Variants in EIF2D observed in about 807,000 individuals in gnomAD.
EIF2D encodes eukaryotic translation initiation factor 2D.
EIF2D carries 56 observed loss-of-function variants against 77.4 expected under a neutral mutation model. That is an observed-to-expected ratio of 0.72 (90% CI 0.58 to 0.90). The LOEUF (loss-of-function observed/expected upper bound fraction) is 0.90. Ranked by LOEUF, EIF2D falls within the 40% of genes least tolerant of loss-of-function variation. The pLI is 0.00. For missense variants in EIF2D, 574 were observed against 706.5 expected (o/e 0.81, Z 2.13); for synonymous variants, 230 against 271.0 (o/e 0.85, Z 1.49).
chr1:206,602,393 T>G lies in EIF2D; in HGVS notation c.845A>C (p.Lys282Thr), dbSNP rs782153854. The change falls in exon 7 of 15, where the codon AAG becomes ACG. Residue 282 changes from lysine to threonine, a missense_variant. Transcript: ENST00000271764. ...FLHALKCRVK[K>T]ADLPLLTSTF... ...GCTGGTGAGTAAAGGGAGGTCAGCC[T>G]TTTTGACTCGGCACTTCAAGGCATG... The G allele has an allele frequency of 1.2e-6, 2 of 1,614,236 alleles. No individual in the cohort carries two copies. The highest frequency in any genetic ancestry group is 1.7e-6 in the Non-Finnish European group (2 of 1,180,038).
At chr1:206,570,711 G>T (rs559023384), downstream of EIF2D, among the ~76,000 whole-genome samples, 1 of 152,026 alleles carries the variant, frequency 6.6e-6, no homozygotes, top group Non-Finnish European at 1.5e-5. Flanking sequence ...GTTCATCCAC[G>T]TGATAGCATG....
intron 2 of EIF2D, among the ~76,000 whole-genome samples, chr1:206,581,977 G>A (rs1271287808): frequency 6.6e-6 from 1 of 152,176 alleles, no homozygotes; most frequent in East Asian, 1.9e-4. Flanking sequence ...GACAGTGTCA[G>A]ATGGTGTCAG....
intron 7 of EIF2D, chr1:206,600,671 C>T (rs1669883450): frequency 5.7e-6 from 1 of 175,234 alleles, no homozygotes; most frequent in Admixed American, 5.6e-5. Context: ...GACATGTGGC[C>T]AGTGGCTACC....
At chr1:206,574,458 T>A (rs1421383196) in intron 4 of EIF2D, among the ~76,000 whole-genome samples, 2 of 152,196 alleles carry the variant, frequency 1.3e-5, no homozygotes, top group Non-Finnish European at 2.9e-5. Context: ...ACATTGACCA[T>A]CTGCTCTACG....
At position 206,610,530 on chromosome 1, in the gene EIF2D, T is replaced by A. The variant is rs550376710; in HGVS notation, c.247+654A>T. Among the ~76,000 whole-genome samples the A allele has an allele frequency of 9.2e-5, 14 of 151,504 alleles. 1 individual carries two copies. In the South Asian group the frequency reaches 1.9e-3, roughly 20 times the overall value. On this transcript the variant is annotated intron_variant, in intron 2 of 14. Transcript: ENST00000271764. ...TAAGACCTTGTCTCTAAAAAATATA[T>A]ATATTTTTGGCCAGGCGCGGTGGCT...
intron 4 of EIF2D, among the ~76,000 whole-genome samples, chr1:206,580,368 T>C (rs146270827): frequency 6.2e-4 from 94 of 152,334 alleles, no homozygotes; most frequent in African/African-American, 2.2e-3. Context: ...TTATTTTTTA[T>C]AGACAAGTAT....
intron 14 of EIF2D, 129 bp downstream of exon 14, chr1:206,593,490 A>AGAGC (rs1553409361): frequency 1.2e-5 from 3 of 243,024 alleles, no homozygotes; most frequent in African/African-American, 1.2e-4. Flanking sequence ...AGAGAGAGCG[A>AGAGC]GAGAGAGAGA....
chr1:206,605,355 C>CA (rs782048428), intron 5 of EIF2D, 45 bp downstream of exon 5: 1 of 1,532,108 alleles, frequency 6.5e-7, no homozygotes, highest in South Asian at 1.1e-5. Flanking sequence ...ATCCTCTCCC[C>CA]AGCTGCCCCG....
chr1:206,608,866 A>T (rs1670328143), intron 3 of EIF2D, among the ~76,000 whole-genome samples: 1 of 152,210 alleles, frequency 6.6e-6, no homozygotes, highest in East Asian at 1.9e-4. Flanking sequence ...AGCCTGGCCA[A>T]CATGATGAAA....
In EIF2D at chr1:206,584,888, A is replaced by G; in HGVS notation, c.139-3726T>C. On this transcript the variant is annotated intron_variant and NMD_transcript_variant, in intron 2 of 5. Transcript: ENST00000472709. This position sits in a 1 kb window ranked among gnomAD's most constrained non-coding sequence, Gnocchi z 4.9. ...CCTGACTCTGCATGTGACTTCAGGA[A>G]AACCACACCCTAGGCTCCCATTTCC... 1 of 612,218 alleles carries G rather than the reference A, an allele frequency of 1.6e-6. No homozygotes were observed. The highest frequency in any genetic ancestry group is 2.9e-6 in the Non-Finnish European group (1 of 349,014). The allele number at this position is 612,218 out of a possible 1,614,324, so 37.9% of individuals were successfully genotyped here. A position where few individuals can be genotyped will look rare whatever the true frequency, so the allele number is the denominator to read the frequency against.
chr1:206,571,277 C>A (rs909614492), downstream of EIF2D: 2 of 122,066 alleles, frequency 1.6e-5, no homozygotes, highest in Non-Finnish European at 3.5e-5. Context: ...TCTATTTTTT[C>A]ATCAGGTTTT....
At position 206,597,144 on chromosome 1, in the gene EIF2D, T is replaced by A. The variant is rs1553410331; in HGVS notation, c.1344A>T (p.Glu448Asp). Residue 448 changes from glutamate to aspartate, a missense_variant, in exon 12 of 15, where the codon GAA (glutamate) becomes GAT (aspartate). Coordinates refer to ENST00000271764, the MANE Select transcript of EIF2D (RefSeq NM_006893.3). ...ILCDCILEKN[E>D]QHTVMKLPWD... ...ATGGAAGCTTCATGACTGTATGCTGTTCATTTTTCTCTAAGATGCAGTCAC... is the reference window on the plus strand; with the variant it reads ...ATGGAAGCTTCATGACTGTATGCTGATCATTTTTCTCTAAGATGCAGTCAC... The A allele has an allele frequency of 6.2e-7, 1 of 1,614,140 alleles. No homozygotes were observed. Among genetic ancestry groups the A allele is most frequent in the Admixed American group, 1.7e-5 (1 of 60,024 alleles).
downstream of EIF2D, among the ~76,000 whole-genome samples, chr1:206,569,998 C>T (rs1227028573): frequency 6.6e-6 from 1 of 151,990 alleles, no homozygotes; most frequent in Non-Finnish European, 1.5e-5. Context: ...CAGATAAAAC[C>T]AGCCAGTGAC....
At chr1:206,572,246 T>A (rs1177949452) in intron 5 of EIF2D, among the ~76,000 whole-genome samples, 2 of 152,192 alleles carry the variant, frequency 1.3e-5, no homozygotes, top group African/African-American at 4.8e-5. Flanking sequence ...GAACCCCTAT[T>A]GTGTGCCTGA....
downstream of EIF2D, among the ~76,000 whole-genome samples, chr1:206,590,207 C>T (rs552029911): frequency 6.6e-6 from 1 of 152,308 alleles, no homozygotes; most frequent in Admixed American, 6.5e-5. Flanking sequence ...GTCACCGTTA[C>T]TGGAAAAACC....
intron 4 of EIF2D, among the ~76,000 whole-genome samples, chr1:206,573,821 A>C (rs1553404641): frequency 6.6e-6 from 1 of 152,222 alleles, no homozygotes; most frequent in African/African-American, 2.4e-5. Context: ...CAGCCTGGGC[A>C]ATATAGTGAG....
At chr1:206,604,756 A>G (rs1670107112) in intron 5 of EIF2D, 1 of 150,878 alleles carries the variant, frequency 6.6e-6, no homozygotes, top group Non-Finnish European at 1.5e-5. Flanking sequence ...AAAAAAATTA[A>G]TAATTCCAAG....
chr1:206,583,936 G>A (rs1668995018), intron 2 of EIF2D, among the ~76,000 whole-genome samples: 2 of 152,178 alleles, frequency 1.3e-5, no homozygotes, highest in Non-Finnish European at 2.9e-5. Context: ...AATGCACCTA[G>A]GTTTAAGTCT....
At chr1:206,607,851 G>A (rs1205212140) in intron 4 of EIF2D, among the ~76,000 whole-genome samples, 2 of 152,134 alleles carry the variant, frequency 1.3e-5, no homozygotes, top group African/African-American at 2.4e-5. Flanking sequence ...GCAGTACTTT[G>A]CCAATGTTAA....
Sources: gnomAD v4.1 joint callset for allele counts (sites outside exome capture counted in the v4.1 genomes callset) on GRCh38, gnomAD v4.1.1 for gene constraint, Gnocchi (gnomAD v3.1) non-coding constraint, MANE v1.5 for transcripts, NCBI Gene and HGNC (gene_info 2026-07-23, HGNC 2026-07-21) for gene names.